PCDH9: variants seen among roughly 807,000 people sequenced by gnomAD.
PCDH9 encodes protocadherin 9.
Under a neutral mutation model 70.6 loss-of-function variants are expected in PCDH9, and 24 were observed. The observed-to-expected ratio is 0.34, with a 90% CI of 0.25 to 0.48. PCDH9 has a LOEUF of 0.48. PCDH9 is among the 20% of genes least tolerant of loss of function. The pLI is 0.99. For missense variants in PCDH9, 1,281 were observed against 1,503.6 expected (o/e 0.85, Z 2.45); for synonymous variants, 562 against 558.5 (o/e 1.01, Z -0.09).
chr13:66,958,351 A>T (rs2083294700), intron 2 of PCDH9, among the ~76,000 whole-genome samples: 1 of 152,208 alleles, frequency 6.6e-6, no homozygotes, highest in Admixed American at 6.5e-5. Context: ...AAATCTAAAG[A>T]AGTAGAGATT....
At chr13:67,004,205 A>G (rs538839995) in intron 2 of PCDH9, among the ~76,000 whole-genome samples, 80 of 152,308 alleles carry the variant, frequency 5.3e-4, no homozygotes, top group African/African-American at 1.9e-3. Context: ...ACTTTTCACA[A>G]TATGATACAT....
chr13:66,784,562 T>G (rs988208202), intron 3 of PCDH9, among the ~76,000 whole-genome samples: 18 of 152,132 alleles, frequency 1.2e-4, no homozygotes, highest in Non-Finnish European at 5.9e-5. Context: ...TATTTTGAGT[T>G]TTTCTATTAC....
intron 3 of PCDH9, among the ~76,000 whole-genome samples, chr13:66,772,313 T>C (rs1043832266): frequency 6.6e-6 from 1 of 152,238 alleles, no homozygotes; most frequent in African/African-American, 2.4e-5. Flanking sequence ...TTTTGTGGCA[T>C]CATTTGATGT....
intron 2 of PCDH9, among the ~76,000 whole-genome samples, chr13:66,947,811 A>G (rs913072812): frequency 6.6e-6 from 1 of 152,138 alleles, no homozygotes; most frequent in Non-Finnish European, 1.5e-5. Context: ...ACATGATCAT[A>G]TATGGGCAGG....
intron 4 of PCDH9, among the ~76,000 whole-genome samples, chr13:66,542,827 G>C (rs1365237127): frequency 6.8e-6 from 1 of 146,522 alleles, no homozygotes; most frequent in Non-Finnish European, 1.5e-5. Flanking sequence ...ATCTCCCATT[G>C]GTTCTGATTC....
intron 4 of PCDH9, among the ~76,000 whole-genome samples, chr13:66,547,317 C>G (rs1013074527): frequency 3.3e-5 from 5 of 152,100 alleles, no homozygotes; most frequent in Admixed American, 6.5e-5. Context: ...TAGTGGAAAA[C>G]AAAACAAAGC....
intron 2 of PCDH9, among the ~76,000 whole-genome samples, chr13:67,165,097 A>C (rs1406189415): frequency 6.6e-6 from 1 of 152,154 alleles, no homozygotes; most frequent in Non-Finnish European, 1.5e-5. Context: ...TAAAAGAATA[A>C]ATTAATTAAA....
chr13:66,391,593 T>C (rs913894849), intron 4 of PCDH9, among the ~76,000 whole-genome samples: 3 of 152,138 alleles, frequency 2.0e-5, no homozygotes, highest in African/African-American at 7.2e-5. Context: ...AAGAAGTCTA[T>C]GCTCATTTCT....
chr13:66,414,562 G>A (rs957139455), intron 4 of PCDH9, among the ~76,000 whole-genome samples: 2 of 152,198 alleles, frequency 1.3e-5, no homozygotes, highest in African/African-American at 4.8e-5. Flanking sequence ...TTTGCTTTGT[G>A]CAGTTGACCT....
chr13:66,683,899 T>G (rs889320238), intron 3 of PCDH9, among the ~76,000 whole-genome samples: 1 of 152,182 alleles, frequency 6.6e-6, no homozygotes, highest in South Asian at 2.1e-4. Context: ...TAGTGATATA[T>G]CCAGTGTACT....
intron 2 of PCDH9, among the ~76,000 whole-genome samples, chr13:66,943,499 CA>C (rs1450442308): frequency 6.6e-6 from 1 of 152,012 alleles, no homozygotes; most frequent in Non-Finnish European, 1.5e-5. Flanking sequence ...TCTAGTTCCT[CA>C]AAAATTTTGG....
chr13:66,721,594 C>T (rs183255262), intron 3 of PCDH9, among the ~76,000 whole-genome samples: 86 of 151,990 alleles, frequency 5.7e-4, no homozygotes, highest in Non-Finnish European at 8.8e-4. Context: ...ACAACCATAT[C>T]CTGACTCATA....
At chr13:66,875,792 G>A (rs2081796480) in intron 3 of PCDH9, among the ~76,000 whole-genome samples, 1 of 152,134 alleles carries the variant, frequency 6.6e-6, no homozygotes, top group Non-Finnish European at 1.5e-5. Flanking sequence ...AAGAGACCCT[G>A]GACAACTATT....
chr13:66,671,636 G>A (rs1786857718), intron 3 of PCDH9, among the ~76,000 whole-genome samples: 1 of 152,150 alleles, frequency 6.6e-6, no homozygotes, highest in South Asian at 2.1e-4. Flanking sequence ...AAAGAGACTG[G>A]TGGCATTTTG....
At chr13:67,129,461 T>A (rs2087056218) in intron 2 of PCDH9, among the ~76,000 whole-genome samples, 1 of 152,078 alleles carries the variant, frequency 6.6e-6, no homozygotes, top group Non-Finnish European at 1.5e-5. Context: ...TGGCTTTATT[T>A]CAACTCCATA....
intron 2 of PCDH9, among the ~76,000 whole-genome samples, chr13:66,978,758 A>G (rs1301739017): frequency 1.3e-5 from 2 of 149,690 alleles, no homozygotes; most frequent in Non-Finnish European, 3.0e-5. Context: ...ACTGTATATA[A>G]ATGTATATGA....
intron 2 of PCDH9, among the ~76,000 whole-genome samples, chr13:66,948,700 T>C (rs893211084): frequency 5.3e-5 from 8 of 152,112 alleles, no homozygotes; most frequent in African/African-American, 1.9e-4. Flanking sequence ...AATTTTAGCA[T>C]TTTGTCAAGG....
chr13:66,424,432 T>A (rs1412109877), intron 4 of PCDH9, among the ~76,000 whole-genome samples: 1 of 151,990 alleles, frequency 6.6e-6, no homozygotes, highest in Non-Finnish European at 1.5e-5. Flanking sequence ...TTAAACATGG[T>A]ATAGAGGACC....
chr13:66,445,097 T>C (rs1958047077), intron 4 of PCDH9, among the ~76,000 whole-genome samples: 1 of 147,336 alleles, frequency 6.8e-6, no homozygotes. Context: ...TAATATTATA[T>C]ATAATGTATA....
Sources: allele counts gnomAD v4.1 joint callset (sites outside exome capture counted in the v4.1 genomes callset), GRCh38; gene constraint gnomAD v4.1.1; transcripts MANE v1.5; gene names NCBI Gene and HGNC (gene_info 2026-07-23, HGNC 2026-07-21).